Variants in KAZN observed in about 807,000 individuals in gnomAD.
The protein encoded by KAZN is kazrin.
A neutral mutation model predicts 87.4 loss-of-function variants in KAZN; 40 were observed. The ratio of observed to expected loss-of-function variants is 0.46; its 90% CI spans 0.36 to 0.60. The LOEUF is 0.60. Among genes scored for constraint, KAZN ranks in the 20% least tolerant of loss-of-function variants. The pLI, the probability that KAZN is intolerant of heterozygous loss-of-function variation, is 0.00. For synonymous variants in KAZN, 466 were observed against 458.3 expected (o/e 1.02, Z -0.22); for missense variants, 898 against 1,073.9 (o/e 0.84, Z 2.29).
intron 2 of KAZN, among the ~76,000 whole-genome samples, chr1:14,304,169 G>T (rs2100789442): frequency 6.6e-6 from 1 of 152,310 alleles, no homozygotes; most frequent in South Asian, 2.1e-4. Context: ...GGGCCCAGAA[G>T]AATTTGAATG....
intron 1 of KAZN, among the ~76,000 whole-genome samples, chr1:14,070,083 C>A (rs190488204): frequency 6.8e-6 from 1 of 146,364 alleles, no homozygotes. Flanking sequence ...GCAGGAGAAT[C>A]GCTTGAACCT....
intron 2 of KAZN, among the ~76,000 whole-genome samples, chr1:14,559,712 C>A (rs991524555): frequency 2.0e-5 from 3 of 152,146 alleles, no homozygotes; most frequent in Non-Finnish European, 4.4e-5. Flanking sequence ...AGGTAAGGAT[C>A]CCCCACTGTC....
chr1:13,907,887 T>G lies in KAZN; in HGVS notation c.91+14131T>G, dbSNP rs1570245140. Among the ~76,000 whole-genome samples, 5 of 152,282 alleles carry G rather than the reference T, an allele frequency of 3.3e-5. 1 individual carries two copies. In the Middle Eastern group the frequency reaches 0.017, roughly 518 times the overall value. ...CCCCTGTTGGGTGAGGTTATAAGACTGTGTAGTTCGTAGAGAAAAAGAGAA... is the reference window on the plus strand; with the variant it reads ...CCCCTGTTGGGTGAGGTTATAAGACGGTGTAGTTCGTAGAGAAAAAGAGAA... On this transcript the variant is annotated intron_variant, in intron 1 of 16. Coordinates refer to the KAZN transcript ENST00000636203.
At chr1:14,463,236 G>C (rs748161400) in intron 2 of KAZN, among the ~76,000 whole-genome samples, 12 of 152,156 alleles carry the variant, frequency 7.9e-5, no homozygotes, top group Non-Finnish European at 1.8e-4. Context: ...AAACTGTCAT[G>C]GTGCTGGTGG....
chr1:14,851,454 C>T (rs1000226382), intron 1 of KAZN, among the ~76,000 whole-genome samples: 2 of 152,252 alleles, frequency 1.3e-5, no homozygotes, highest in African/African-American at 4.8e-5. Flanking sequence ...CACACCCTGT[C>T]CCAAGGACCA....
At chr1:14,015,711 G>A (rs1334295972) in intron 1 of KAZN, among the ~76,000 whole-genome samples, 1 of 149,866 alleles carries the variant, frequency 6.7e-6, no homozygotes, top group Non-Finnish European at 1.5e-5. Flanking sequence ...AGGAGTTCAA[G>A]ACCAGCCTGG....
At chr1:14,522,524 C>T (rs1671639989) in intron 2 of KAZN, among the ~76,000 whole-genome samples, 1 of 152,130 alleles carries the variant, frequency 6.6e-6, no homozygotes, top group Admixed American at 6.5e-5. Flanking sequence ...GTGATGTGTA[C>T]AATTTGGTCT....
At chr1:14,860,623 T>C (rs1172053263) in intron 1 of KAZN, among the ~76,000 whole-genome samples, 1 of 152,244 alleles carries the variant, frequency 6.6e-6, no homozygotes. Flanking sequence ...CTTCTGTACA[T>C]ATTCCAGGGA....
chr1:13,962,075 G>A (rs1332290946), intron 1 of KAZN, among the ~76,000 whole-genome samples: 1 of 152,130 alleles, frequency 6.6e-6, no homozygotes, highest in Non-Finnish European at 1.5e-5. Context: ...ATGCAGGAAC[G>A]AACATTTGTC....
At chr1:14,789,795 A>T (rs1489212708) in intron 1 of KAZN, among the ~76,000 whole-genome samples, 2 of 114,058 alleles carry the variant, frequency 1.8e-5, no homozygotes, top group African/African-American at 6.2e-5. Flanking sequence ...AAAAAAAAAA[A>T]AATCCCTAGA....
At chr1:14,253,121 G>GA (rs57180691) in intron 2 of KAZN, among the ~76,000 whole-genome samples, 1,996 of 122,252 alleles carry the variant, frequency 0.016, 35 homozygotes, top group African/African-American at 0.046. Context: ...AGAAAAAAGA[G>GA]AAAAAAAAAA....
chr1:14,272,127 A>T (rs929468962), intron 2 of KAZN, among the ~76,000 whole-genome samples: 1 of 152,220 alleles, frequency 6.6e-6, no homozygotes, highest in Non-Finnish European at 1.5e-5. Context: ...TTAGCTTTTG[A>T]CACAAAGTGC....
intron 2 of KAZN, among the ~76,000 whole-genome samples, chr1:14,436,925 A>C (rs1557720958): frequency 6.6e-6 from 1 of 152,182 alleles, no homozygotes; most frequent in Non-Finnish European, 1.5e-5. Context: ...GCACCTCTCC[A>C]GCACACTCAG....
At chr1:14,426,107 A>G (rs4370760) in intron 2 of KAZN, among the ~76,000 whole-genome samples, 150,512 of 152,342 alleles carry the variant, frequency 0.99, 74,355 homozygotes, top group East Asian at 1. Flanking sequence ...TGCCTGAATC[A>G]GCTCAGCCTC....
At chr1:14,349,381 AC>A (rs1339908995) in intron 2 of KAZN, 1 of 152,222 alleles carries the variant, frequency 6.6e-6, no homozygotes, top group African/African-American at 2.4e-5. Flanking sequence ...TGTAGAACCT[AC>A]CAAAATTTAA....
intron 1 of KAZN, among the ~76,000 whole-genome samples, chr1:14,641,937 C>G (rs1218153551): frequency 3.3e-5 from 5 of 152,182 alleles, no homozygotes; most frequent in Non-Finnish European, 7.3e-5. Context: ...GGATATGTAT[C>G]CAGAATATAT....
chr1:14,630,233 G>A (rs562059787), intron 1 of KAZN, among the ~76,000 whole-genome samples: 7 of 152,304 alleles, frequency 4.6e-5, no homozygotes, highest in Admixed American at 2.0e-4. Context: ...TCCTGATGCC[G>A]TATTCACCCT....
chr1:14,015,459 CTTTTTTTTTTTTTTTTTTTT>C (rs70987713), intron 1 of KAZN, among the ~76,000 whole-genome samples: 42 of 25,102 alleles, frequency 1.7e-3, no homozygotes, highest in Middle Eastern at 0.038. Flanking sequence ...GTTACATCTA[CTTTTTTTTTTTTTTTTTTTT>C]TTTTTTTTTT....
chr1:14,449,749 G>T (rs550456582), intron 2 of KAZN, among the ~76,000 whole-genome samples: 1 of 152,250 alleles, frequency 6.6e-6, no homozygotes, highest in South Asian at 2.1e-4. Context: ...TAGAAACAAT[G>T]AATGTTTTCA....
Sources: gnomAD v4.1 joint callset for allele counts (sites outside exome capture counted in the v4.1 genomes callset) on GRCh38, gnomAD v4.1.1 for gene constraint, MANE v1.5 for transcripts, NCBI Gene and HGNC (gene_info 2026-07-23, HGNC 2026-07-21) for gene names.